Variants in CAPN6 observed in about 807,000 individuals in gnomAD.
CAPN6 encodes calpain 6.
In CAPN6, 16 loss-of-function variants were observed where a neutral mutation model predicts 46.0. That is an observed-to-expected ratio of 0.35 (90% CI 0.24 to 0.53). CAPN6 has a LOEUF of 0.53. Among genes scored for constraint, CAPN6 ranks in the 20% least tolerant of loss-of-function variants. CAPN6 has a pLI of 0.94. For synonymous variants in CAPN6, 206 were observed against 172.8 expected (o/e 1.19, Z -1.51); for missense variants, 461 against 498.0 (o/e 0.93, Z 0.71).
intron 5 of CAPN6, 59 bp from the exon 6 acceptor site, chrX:111,251,801 T>A: frequency 1.0e-6 from 1 of 979,233 alleles, no homozygotes; most frequent in East Asian, 3.1e-5. Flanking sequence ...TCCTGACTCC[T>A]CTTCTTCATT....
chrX:111,268,552 T>C (rs763871722), intron 1 of CAPN6, among the ~76,000 whole-genome samples: 26 of 112,795 alleles, frequency 2.3e-4, no homozygotes, highest in Non-Finnish European at 4.1e-4. Flanking sequence ...TTTCTGTCTT[T>C]AGGGGAAACT....
chrX:111,251,293 G>GA lies in CAPN6; in HGVS notation c.894-8_894-7insT. The GA allele has an allele frequency of 1.8e-6, 2 of 1,116,070 alleles. No individual in the cohort carries two copies. The highest frequency in any genetic ancestry group is 4.5e-5 in the African/African-American group (2 of 44,830). The allele number at this position is 1,116,070 out of a possible 1,213,427, so 92.0% of individuals were successfully genotyped here. A position where few individuals can be genotyped will look rare whatever the true frequency, so the allele number is the denominator to read the frequency against. ...TTGCTGCCACTCTTCAGAACTGAAA[G>GA]TAAATAGAAAAAAAAAAAAAAGATA... On this transcript the variant is annotated splice_region_variant and splice_polypyrimidine_tract_variant and intron_variant, in intron 6 of 12. Transcript: ENST00000324068.
rs2094981854 is a variant in CAPN6 at position 111,254,135 on chromosome X, G to C, written c.297+137C>G. 8.0e-6 allele frequency: 6 copies of C among 746,595 alleles called. No individual in the cohort carries two copies. The African/African-American group carries it at 1.3e-4, about 16-fold the overall frequency. 61.5% of individuals were successfully genotyped at this position (746,595 alleles called of 1,213,427 possible). A position where few individuals can be genotyped will look rare whatever the true frequency, so the allele number is the denominator to read the frequency against. On this transcript the variant is annotated intron_variant, in intron 3 of 12. Coordinates refer to ENST00000324068, the MANE Select transcript of CAPN6 (RefSeq NM_014289.4). ...GCAAAACTTCTTATAATGAAATGGA[G>C]GGAAGTCGCCTAGTTAATATCTCTG...
intron 5 of CAPN6, 102 bp downstream of exon 5, chrX:111,252,204 GT>G (rs2094980143): frequency 3.1e-6 from 2 of 649,888 alleles, no homozygotes; most frequent in South Asian, 3.4e-5. Context: ...CCCATTAATA[GT>G]TTTTCATGGG....
intron 12 of CAPN6, among the ~76,000 whole-genome samples, chrX:111,246,960 G>C (rs187365172): frequency 8.9e-6 from 1 of 112,109 alleles, no homozygotes; most frequent in East Asian, 2.8e-4. Flanking sequence ...CAGAATCTCC[G>C]GGTCGTTCTT....
chrX:111,264,928 T>A (rs1447903207), intron 1 of CAPN6, among the ~76,000 whole-genome samples: 1 of 111,911 alleles, frequency 8.9e-6, no homozygotes, highest in Non-Finnish European at 1.9e-5. Flanking sequence ...TTTGTAATGA[T>A]TTTAATGATC....
intron 2 of CAPN6, among the ~76,000 whole-genome samples, chrX:111,256,594 A>G (rs2094983962): frequency 9.0e-6 from 1 of 111,523 alleles, no homozygotes; most frequent in Non-Finnish European, 1.9e-5. Flanking sequence ...TAAAATTTTC[A>G]TTTCACAGTA....
At chrX:111,262,954 G>T (rs767387636) in intron 2 of CAPN6, among the ~76,000 whole-genome samples, 4 of 111,823 alleles carry the variant, frequency 3.6e-5, no homozygotes, top group Non-Finnish European at 5.6e-5. Flanking sequence ...AAGCCTTCTT[G>T]CCCCCATGAA....
rs200492199 is a variant in CAPN6 at position 111,248,547 on chromosome X, G to A, written c.1484+22C>T. ...AGTAAAGCAAAGAACAGGGGTTTGA[G>A]GGCTTGCGAAGGAAACTGAACCTGA... is the stretch of plus-strand genomic sequence containing the variant. On this transcript the variant is annotated intron_variant, in intron 10 of 12. Coordinates refer to ENST00000324068, the MANE Select transcript of CAPN6 (RefSeq NM_014289.4). The A allele has an allele frequency of 3.4e-6, 4 of 1,166,712 alleles. No individual in the cohort carries two copies. In the African/African-American group the frequency reaches 7.1e-5, roughly 21 times the overall value.
chrX:111,254,314 A>G lies in CAPN6; in HGVS notation c.255T>C (p.Ser85=). The G allele has an allele frequency of 8.3e-7, 1 of 1,209,566 alleles. No individual in the cohort carries two copies. Among genetic ancestry groups the G allele is most frequent in the South Asian group, 1.8e-5 (1 of 56,755 alleles). Residue 85 remains serine (S), a synonymous_variant, in exon 3 of 13, where the codon TCT becomes TCC. Transcript: ENST00000324068. ...QGRLGHKPMV[S]AFSCLAVQES... ...CCTGAACAGCCAAACAGGAAAATGC[A>G]GAAACCATTGGCTTGTGCCCCAGTC...
At chrX:111,266,916 C>T (rs1371158046) in intron 1 of CAPN6, among the ~76,000 whole-genome samples, 2 of 112,990 alleles carry the variant, frequency 1.8e-5, no homozygotes, top group African/African-American at 6.4e-5. Context: ...TCTTTATTTT[C>T]ATGGTTTGAT....
At chrX:111,267,893 A>G (rs1250174294) in intron 1 of CAPN6, among the ~76,000 whole-genome samples, 1 of 112,472 alleles carries the variant, frequency 8.9e-6, no homozygotes, top group African/African-American at 3.2e-5. Flanking sequence ...CACCACTTTT[A>G]CCCACAATCC....
chrX:111,251,516 G>T lies in CAPN6; in HGVS notation c.893+33C>A, dbSNP rs776691713. On this transcript the variant is annotated intron_variant, in intron 6 of 12. Transcript: ENST00000324068. The stretch of plus-strand genomic sequence containing the variant: ...GGTCTGGGAGAACTACAGGGCTTTG[G>T]AGATGTAGCTGTGAAAGTGGAATGC... 90 of 1,117,390 alleles carry T rather than the reference G, an allele frequency of 8.1e-5. No homozygotes were observed. In the South Asian group the frequency reaches 1.6e-3, roughly 20 times the overall value. The allele number at this position is 1,117,390 out of a possible 1,213,427, so 92.1% of individuals were successfully genotyped here.
chrX:111,250,422 C>A (rs772272930), intron 8 of CAPN6, among the ~76,000 whole-genome samples: 14 of 110,733 alleles, frequency 1.3e-4, no homozygotes, highest in Admixed American at 1.9e-4. Flanking sequence ...GGCAATGATT[C>A]AAATCCTGGG....
chrX:111,261,778 C>T (rs772492930), intron 2 of CAPN6, among the ~76,000 whole-genome samples: 1 of 111,663 alleles, frequency 9.0e-6, no homozygotes, highest in Non-Finnish European at 1.9e-5. Flanking sequence ...TGCAATTTTG[C>T]TGCCCATCGG....
chrX:111,264,445 C>A (rs1278316777), intron 1 of CAPN6, among the ~76,000 whole-genome samples: 1 of 111,600 alleles, frequency 9.0e-6, no homozygotes, highest in African/African-American at 3.3e-5. Context: ...TCCAGCAAGT[C>A]TTTTTACACA....
chrX:111,251,676 T>C lies in CAPN6; in HGVS notation c.766A>G (p.Met256Val), dbSNP rs1292234519. The change falls in exon 6 of 13, where the codon ATG becomes GTG. Residue 256 changes from methionine (M) to valine (V), a missense_variant. Physicochemically the swap from Met to Val is conservative, Grantham distance 21. Transcript: ENST00000324068. ...WGLLKGHTYT[M>V]TDIRKIRLGE... ...AGACGAATTTTGCGAATATCAGTCA[T>C]GGTATAGGTATGGCCCTTCAGCAGA... 4.1e-6 allele frequency: 5 copies of C among 1,208,453 alleles called. No individual in the cohort carries two copies. Among genetic ancestry groups the C allele is most frequent in the Non-Finnish European group, 5.6e-6 (5 of 894,014 alleles).
chrX:111,251,010 C>A lies in CAPN6; in HGVS notation c.1065G>T (p.Ser355=). ...NPIFGRKELE[S]VLGCWTVDDD... is the part of the protein sequence containing the mutation. The stretch of plus-strand genomic sequence containing the variant: ...CATCCACAGTCCAGCATCCCAACAC[C>A]GATTCCAGCTCCTTTCGGCCAAAAA... Residue 355 remains serine, a synonymous_variant, in exon 8 of 13, where the codon TCG becomes TCT. Coordinates refer to ENST00000324068, the MANE Select transcript of CAPN6 (RefSeq NM_014289.4). 1.7e-6 allele frequency: 2 copies of A among 1,211,474 alleles called. No homozygotes were observed. The highest frequency in any genetic ancestry group is 3.5e-5 in the South Asian group (2 of 56,961).
intron 2 of CAPN6, among the ~76,000 whole-genome samples, chrX:111,259,296 T>C (rs2094986082): frequency 8.9e-6 from 1 of 112,704 alleles, no homozygotes; most frequent in Admixed American, 9.3e-5. Context: ...TCTTCAATTG[T>C]GTAAACAGTG....
Sources: allele counts gnomAD v4.1 joint callset (sites outside exome capture counted in the v4.1 genomes callset), GRCh38; gene constraint gnomAD v4.1.1; transcripts MANE v1.5; gene names NCBI Gene and HGNC (gene_info 2026-07-23, HGNC 2026-07-21).